Variants in ST18 observed in about 807,000 individuals in gnomAD.
ST18 encodes the protein ST18 C2H2C-type zinc finger transcription factor.
ST18 carries 50 observed loss-of-function variants against 110.0 expected under a neutral mutation model. The observed-to-expected ratio is 0.45, with a 90% CI of 0.36 to 0.58. ST18 has a LOEUF of 0.58. Among genes scored for constraint, ST18 ranks in the 20% least tolerant of loss-of-function variants. The pLI is 0.00. For synonymous variants in ST18, 461 were observed against 452.4 expected, an observed-to-expected ratio of 1.02 and a Z score of -0.24; for missense variants, 1,306 against 1,280.1, an observed-to-expected ratio of 1.02 and a Z score of -0.31.
chr8:52,154,073 C>A (rs1160447992), intron 15 of ST18, among the ~76,000 whole-genome samples: 2 of 152,188 alleles, frequency 1.3e-5, no homozygotes, highest in Non-Finnish European at 2.9e-5. Context: ...GTGCACAGGG[C>A]TAAAAAGCCA....
intron 6 of ST18, among the ~76,000 whole-genome samples, chr8:52,215,929 A>G (rs565173565): frequency 6.6e-6 from 1 of 152,354 alleles, no homozygotes; most frequent in Non-Finnish European, 1.5e-5. Flanking sequence ...AGAGATCAGT[A>G]GCATGTGAGG....
intron 2 of ST18, among the ~76,000 whole-genome samples, chr8:52,388,466 G>T (rs929215581): frequency 6.6e-6 from 1 of 152,022 alleles, no homozygotes; most frequent in African/African-American, 2.4e-5. Flanking sequence ...CGTTGCACAC[G>T]GCTGAGCCAT....
intron 2 of ST18, among the ~76,000 whole-genome samples, chr8:52,276,584 C>T (rs1483184311): frequency 6.6e-6 from 1 of 152,102 alleles, no homozygotes; most frequent in Non-Finnish European, 1.5e-5. Context: ...TCAGTCCCTC[C>T]TAGTGCCCCT....
intron 2 of ST18, among the ~76,000 whole-genome samples, chr8:52,254,951 C>T (rs1438680008): frequency 6.6e-6 from 1 of 152,146 alleles, no homozygotes; most frequent in Non-Finnish European, 1.5e-5. Context: ...TAGACAGGCA[C>T]AGATACTGAA....
chr8:52,250,238 A>G (rs1165928933), intron 2 of ST18, among the ~76,000 whole-genome samples: 1 of 151,802 alleles, frequency 6.6e-6, no homozygotes, highest in African/African-American at 2.4e-5. Flanking sequence ...GATTTCGCAC[A>G]CTAATTTAAT....
chr8:52,295,188 C>T (rs114332476), intron 2 of ST18, among the ~76,000 whole-genome samples: 294 of 152,106 alleles, frequency 1.9e-3, no homozygotes, highest in African/African-American at 6.9e-3. Context: ...ATGCTAATCA[C>T]GAGAAGCAAA....
intron 2 of ST18, among the ~76,000 whole-genome samples, chr8:52,272,439 T>A (rs2095105374): frequency 1.3e-5 from 2 of 152,166 alleles, no homozygotes; most frequent in African/African-American, 4.8e-5. Context: ...CCAACAGGTA[T>A]ATAGGTATAG....
chr8:52,214,301 G>A (rs776543368), intron 6 of ST18, 44 bp from the exon 7 acceptor site: 2 of 1,597,768 alleles, frequency 1.3e-6, no homozygotes, highest in African/African-American at 2.7e-5. Context: ...CTTTGACATT[G>A]ACCAAAATAT....
At chr8:52,346,215 C>G (rs902581638) in intron 2 of ST18, among the ~76,000 whole-genome samples, 3 of 149,982 alleles carry the variant, frequency 2.0e-5, no homozygotes, top group Non-Finnish European at 4.4e-5. Flanking sequence ...AAGTTTTAAA[C>G]GAAAATAAGA....
chr8:52,193,944 TA>T (rs1201238502), intron 8 of ST18, among the ~76,000 whole-genome samples: 2 of 152,224 alleles, frequency 1.3e-5, no homozygotes, highest in Non-Finnish European at 2.9e-5. Flanking sequence ...CAGCGACTAA[TA>T]AGTTGTTGCT....
intron 8 of ST18, among the ~76,000 whole-genome samples, chr8:52,189,139 A>T (rs186729485): frequency 1.6e-4 from 25 of 152,280 alleles, no homozygotes; most frequent in Admixed American, 3.9e-4. Context: ...TTGCCCCCAA[A>T]CAATAACCAA....
At chr8:52,213,174 A>C (rs2360806) in intron 7 of ST18, among the ~76,000 whole-genome samples, 35,101 of 152,074 alleles carry the variant, frequency 0.23, 4,825 homozygotes, top group African/African-American at 0.38. Flanking sequence ...GAAAAAATCT[A>C]ATATGAGCAC....
At chr8:52,293,869 T>C (rs989919077) in intron 2 of ST18, among the ~76,000 whole-genome samples, 1 of 152,208 alleles carries the variant, frequency 6.6e-6, no homozygotes, top group Admixed American at 6.5e-5. Flanking sequence ...ATTATATCAA[T>C]AATTTCTTGT....
chr8:52,344,154 T>C (rs1816530616), intron 2 of ST18, among the ~76,000 whole-genome samples: 1 of 152,230 alleles, frequency 6.6e-6, no homozygotes, highest in Non-Finnish European at 1.5e-5. Flanking sequence ...ATCAAAAAGT[T>C]ATTAAGACTC....
In ST18 at chr8:52,261,437, C is replaced by G. The variant is rs1199778374; in HGVS notation, c.-464-31360G>C. Among the ~76,000 whole-genome samples, 3 of 152,182 alleles carry G rather than the reference C, an allele frequency of 2.0e-5. No individual in the cohort carries two copies. The East Asian group carries it at 5.8e-4, about 29-fold the overall frequency. On this transcript the variant is annotated intron_variant, in intron 2 of 25. Transcript: ENST00000689386. ...AATGTTCAGTTTGTTAATGAGAATGCTCACCATTTCACTGCTGTAGGATTC... is the reference window on the plus strand; with the variant it reads ...AATGTTCAGTTTGTTAATGAGAATGGTCACCATTTCACTGCTGTAGGATTC...
At chr8:52,388,509 A>G (rs542598403) in intron 2 of ST18, among the ~76,000 whole-genome samples, 2 of 152,248 alleles carry the variant, frequency 1.3e-5, no homozygotes, top group South Asian at 2.1e-4. Flanking sequence ...CGTTTTTACT[A>G]GGTTTCCATC....
intron 2 of ST18, among the ~76,000 whole-genome samples, chr8:52,398,748 T>C (rs1841982889): frequency 6.6e-6 from 1 of 152,146 alleles, no homozygotes; most frequent in Admixed American, 6.5e-5. Flanking sequence ...ATGTATCACA[T>C]TGATTTGTGT....
chr8:52,141,328 T>C (rs1212696025), intron 17 of ST18, among the ~76,000 whole-genome samples: 2 of 152,202 alleles, frequency 1.3e-5, no homozygotes, highest in African/African-American at 4.8e-5. Flanking sequence ...CCCAAGTCAC[T>C]GTCCATGTAG....
chr8:52,121,364 A>G (rs1161388699), intron 23 of ST18, among the ~76,000 whole-genome samples: 1 of 152,170 alleles, frequency 6.6e-6, no homozygotes, highest in African/African-American at 2.4e-5. Context: ...TAATGTTTTT[A>G]TTATAATTTC....
Sources: gnomAD v4.1 joint callset for allele counts (sites outside exome capture counted in the v4.1 genomes callset) on GRCh38, gnomAD v4.1.1 for gene constraint, MANE v1.5 for transcripts, NCBI Gene and HGNC (gene_info 2026-07-23, HGNC 2026-07-21) for gene names.